Variants in VSIG4 observed in about 807,000 individuals in gnomAD.
The protein encoded by VSIG4 is V-set and immunoglobulin domain-containing protein 4.
A neutral mutation model predicts 23.4 loss-of-function variants in VSIG4; 34 were observed. That is an observed-to-expected ratio of 1.45 (90% CI 1.10 to 1.93). The LOEUF (loss-of-function observed/expected upper bound fraction) is 1.93, where lower values mean the gene tolerates loss of function less well. VSIG4 is among the 30% of genes most tolerant of loss of function. The pLI is 0.00. For synonymous variants in VSIG4, 169 were observed against 120.3 expected (o/e 1.41, Z -2.65); for missense variants, 433 against 310.8 (o/e 1.39, Z -2.96).
At chrX:66,036,961 TATATAATATATA>T (rs2085577661) in intron 1 of VSIG4, among the ~76,000 whole-genome samples, 1 of 23,221 alleles carries the variant, frequency 4.3e-5, no homozygotes, top group African/African-American at 2.7e-4. Flanking sequence ...TATATTATAT[TATATAATATATA>T]ATATAATATA....
chrX:66,032,750 C>A lies in VSIG4; in HGVS notation c.413-1G>T. On this transcript the variant is annotated splice_acceptor_variant, in intron 2 of 7. Transcript: ENST00000374737. LOFTEE classifies it high-confidence loss of function. ...GTCACTGTGGGCTTGGAGACAGAGA[C>A]TGCAAAGAAAAGACAAGACAGGAAA... 8.3e-7 allele frequency: 1 copy of A among 1,208,516 alleles called. No individual in the cohort carries two copies. Among genetic ancestry groups the A allele is most frequent in the South Asian group, 1.8e-5 (1 of 56,561 alleles).
At chrX:66,026,048 T>C (rs2085386606) in intron 5 of VSIG4, among the ~76,000 whole-genome samples, 1 of 112,190 alleles carries the variant, frequency 8.9e-6, no homozygotes, top group African/African-American at 3.2e-5. Context: ...GAAAAATGAA[T>C]ACAGTGACCT....
chrX:66,028,560 T>A (rs1260397371), intron 3 of VSIG4, among the ~76,000 whole-genome samples: 1 of 50,968 alleles, frequency 2.0e-5, no homozygotes, highest in African/African-American at 3.7e-4. Flanking sequence ...GTAATCAACT[T>A]TTTTTTTTTT....
At chrX:66,036,177 G>A (rs976572075) in intron 1 of VSIG4, among the ~76,000 whole-genome samples, 1 of 107,894 alleles carries the variant, frequency 9.3e-6, no homozygotes, top group Non-Finnish European at 1.9e-5. Context: ...TCCACTCATT[G>A]TTCCATTATG....
At position 66,022,136 on chromosome X, in the gene VSIG4, G is replaced by A. The variant is rs768192114; in HGVS notation, c.*127C>T. On this transcript the variant is annotated 3_prime_UTR_variant, in exon 8 of 8. Coordinates refer to ENST00000374737, the MANE Select transcript of VSIG4 (RefSeq NM_007268.3). ...CAGGGCAAAGCCAGTGACTCCCAGCGGCTCCAGTGTTGGTAGGCGGACACT... is the reference window on the plus strand; with the variant it reads ...CAGGGCAAAGCCAGTGACTCCCAGCAGCTCCAGTGTTGGTAGGCGGACACT... 3.7e-4 allele frequency: 439 copies of A among 1,192,079 alleles called. 1 individual carries two copies. Among genetic ancestry groups the A allele is most frequent in the Non-Finnish European group, 4.6e-4 (403 of 885,687 alleles).
intron 3 of VSIG4, 99 bp from the exon 4 acceptor site, chrX:66,028,211 C>G (rs1232801071): frequency 7.1e-6 from 5 of 704,083 alleles, no homozygotes; most frequent in Non-Finnish European, 9.0e-6. Context: ...CATTCAGGTC[C>G]ATACTTGGAC....
At chrX:66,039,542 C>T (rs2085659116) in intron 1 of VSIG4, among the ~76,000 whole-genome samples, 1 of 111,260 alleles carries the variant, frequency 9.0e-6, no homozygotes, top group Non-Finnish European at 1.9e-5. Flanking sequence ...GAAAACACTC[C>T]TTCTTCGGGG....
Position 66,021,934 on chromosome X carries a change from TG to T in VSIG4, c.*328del. 4.7e-6 allele frequency: 3 copies of T among 640,872 alleles called. No homozygotes were observed. Among genetic ancestry groups the T allele is most frequent in the East Asian group, 4.8e-5 (1 of 20,720 alleles). The allele number at this position is 640,872 out of a possible 1,213,427, so 52.8% of individuals were successfully genotyped here. A position where few individuals can be genotyped will look rare whatever the true frequency, so the allele number is the denominator to read the frequency against. On this transcript the variant is annotated 3_prime_UTR_variant, in exon 8 of 8. Coordinates refer to ENST00000374737, the MANE Select transcript of VSIG4 (RefSeq NM_007268.3). ...AGAGCTGAGCCTCCCTCGGGTCTTCTGGTGGCAAGATGCCAAAGTTGAATAG... is the reference window on the plus strand; with the variant it reads ...AGAGCTGAGCCTCCCTCGGGTCTTCTGTGGCAAGATGCCAAAGTTGAATAG...
At chrX:66,032,809 G>T (rs2085481299) in intron 2 of VSIG4, 60 bp from the exon 3 acceptor site, 2 of 1,131,333 alleles carry the variant, frequency 1.8e-6, no homozygotes, top group Non-Finnish European at 2.4e-6. Context: ...GGACCAAAAG[G>T]CTGAATCATT....
intron 3 of VSIG4, among the ~76,000 whole-genome samples, chrX:66,031,205 T>C (rs913517874): frequency 2.7e-5 from 3 of 111,555 alleles, no homozygotes; most frequent in African/African-American, 9.8e-5. Context: ...AGCAAGTTCT[T>C]GCCTAGGTGG....
intron 2 of VSIG4, 35 bp downstream of exon 2, chrX:66,033,439 A>G: frequency 8.9e-7 from 1 of 1,119,169 alleles, no homozygotes; most frequent in Non-Finnish European, 1.2e-6. Context: ...TGATTCATTG[A>G]TTATCAGTGC....
At chrX:66,028,250 G>A in intron 3 of VSIG4, 138 bp from the exon 4 acceptor site, 1 of 506,633 alleles carries the variant, frequency 2.0e-6, no homozygotes. Context: ...CATGATGCTG[G>A]TAAGTCCTGT....
At chrX:66,037,611 C>G (rs1158692154) in intron 1 of VSIG4, among the ~76,000 whole-genome samples, 2 of 73,561 alleles carry the variant, frequency 2.7e-5, no homozygotes, top group Non-Finnish European at 4.8e-5. Context: ...TTCCACTTTA[C>G]TGATAATTAC....
At chrX:66,022,661 G>A (rs2085346186) in intron 7 of VSIG4, 161 bp from the exon 8 acceptor site, 4 of 1,126,235 alleles carry the variant, frequency 3.6e-6, no homozygotes, top group Non-Finnish European at 4.7e-6. Context: ...TTTGTGTTCA[G>A]AGGGCCAAAA....
intron 7 of VSIG4, 79 bp downstream of exon 7, chrX:66,022,762 C>T: frequency 8.3e-7 from 1 of 1,208,201 alleles, no homozygotes; most frequent in Non-Finnish European, 1.1e-6. Context: ...CCACACCCCC[C>T]TTCCTCCACA....
At chrX:66,037,050 TATA>T (rs1414555590) in intron 1 of VSIG4, among the ~76,000 whole-genome samples, 23 of 40,023 alleles carry the variant, frequency 5.7e-4, no homozygotes, top group Admixed American at 3.1e-3. Context: ...TAATATATCA[TATA>T]ATATATATTA....
chrX:66,033,260 G>A (rs1183867930), intron 2 of VSIG4, among the ~76,000 whole-genome samples: 2 of 111,173 alleles, frequency 1.8e-5, no homozygotes, highest in Non-Finnish European at 3.8e-5. Flanking sequence ...ATAGAGATTT[G>A]CAGGTCAGGA....
intron 5 of VSIG4, among the ~76,000 whole-genome samples, chrX:66,026,515 G>T (rs1054385738): frequency 9.0e-6 from 1 of 111,563 alleles, no homozygotes; most frequent in Non-Finnish European, 1.9e-5. Flanking sequence ...TGTTCTTCTC[G>T]GAGAGGAACG....
At chrX:66,034,313 G>T (rs2085507755) in intron 1 of VSIG4, among the ~76,000 whole-genome samples, 1 of 112,092 alleles carries the variant, frequency 8.9e-6, no homozygotes, top group African/African-American at 3.2e-5. Flanking sequence ...CCTGGAGAAA[G>T]GTGGAGGCTT....
Sources: allele counts gnomAD v4.1 joint callset (sites outside exome capture counted in the v4.1 genomes callset), GRCh38; gene constraint gnomAD v4.1.1; transcripts MANE v1.5; gene names NCBI Gene and HGNC (gene_info 2026-07-23, HGNC 2026-07-21).